Variants in ADRA1B observed in about 807,000 individuals in gnomAD.
ADRA1B encodes adrenoceptor alpha 1B.
Under a neutral mutation model 17.9 loss-of-function variants are expected in ADRA1B, and 17 were observed. The observed-to-expected ratio is 0.95, with a 90% CI of 0.65 to 1.42. The LOEUF is 1.42. Among genes scored for constraint, ADRA1B ranks in the 40% most tolerant of loss-of-function variants. ADRA1B has a pLI of 0.00. For synonymous variants in ADRA1B, 366 were observed against 327.6 expected (o/e 1.12, Z -1.27); for missense variants, 681 against 722.1 (o/e 0.94, Z 0.65).
At chr5:159,926,230 A>G (rs971320437) in intron 1 of ADRA1B, among the ~76,000 whole-genome samples, 5 of 152,168 alleles carry the variant, frequency 3.3e-5, no homozygotes, top group Admixed American at 2.0e-4. Context: ...CTGAATATCC[A>G]GTTCCTGCTC....
intron 1 of ADRA1B, among the ~76,000 whole-genome samples, chr5:159,925,604 G>T (rs1358396966): frequency 6.6e-6 from 1 of 152,150 alleles, no homozygotes; most frequent in East Asian, 1.9e-4. Context: ...CAGGTGAGTT[G>T]GCATCGTGGG....
At chr5:159,939,252 G>GGAGA (rs67704328) in intron 1 of ADRA1B, among the ~76,000 whole-genome samples, 3,913 of 99,044 alleles carry the variant, frequency 0.04, 107 homozygotes, top group Non-Finnish European at 0.053. Context: ...TTTCTTTGAA[G>GGAGA]GAGAGAGAGA....
chr5:159,889,351 A>T (rs7729960), intron 1 of ADRA1B, among the ~76,000 whole-genome samples: 3,665 of 152,218 alleles, frequency 0.024, 145 homozygotes, highest in African/African-American at 0.083. Context: ...ACACATCTAC[A>T]CATTGATATA....
At chr5:159,905,357 C>T (rs1754150655) in intron 1 of ADRA1B, among the ~76,000 whole-genome samples, 1 of 152,172 alleles carries the variant, frequency 6.6e-6, no homozygotes, top group Admixed American at 6.5e-5. Context: ...ATGCAATGGG[C>T]ATTTGGAATC....
intron 1 of ADRA1B, among the ~76,000 whole-genome samples, chr5:159,924,780 A>C (rs2113177918): frequency 6.6e-6 from 1 of 152,242 alleles, no homozygotes; most frequent in East Asian, 1.9e-4. Flanking sequence ...AAAATAACTG[A>C]TGTCTGCTGG....
At chr5:159,887,167 C>T (rs1423344981) in intron 1 of ADRA1B, among the ~76,000 whole-genome samples, 14 of 152,180 alleles carry the variant, frequency 9.2e-5, no homozygotes, top group South Asian at 2.1e-4. Context: ...GACTAGACTA[C>T]GTACAATTCA....
Position 159,972,554 on chromosome 5 carries a change from G to A in ADRA1B, c.*62G>A, listed in dbSNP as rs1345896719. The A allele has an allele frequency of 1.7e-6, 1 of 585,114 alleles. No homozygotes were observed. The highest frequency in any genetic ancestry group is 2.5e-6 in the Non-Finnish European group (1 of 398,350). The allele number at this position is 585,114 out of a possible 1,614,324, so 36.2% of individuals were successfully genotyped here. On this transcript the variant is annotated 3_prime_UTR_variant, in exon 2 of 2. Transcript: ENST00000306675. ...AACATCGTGGGGGGGAGGGGAGGGC[G>A]GGGCGGAGGGGGGAGGGGAGCGTCC...
At chr5:159,952,351 A>C (rs1373412439) in intron 1 of ADRA1B, among the ~76,000 whole-genome samples, 1 of 152,248 alleles carries the variant, frequency 6.6e-6, no homozygotes, top group Non-Finnish European at 1.5e-5. Context: ...TACTGTAATA[A>C]AAGCTATCTG....
At chr5:159,940,283 A>G (rs6869157) in intron 1 of ADRA1B, among the ~76,000 whole-genome samples, 2,221 of 152,320 alleles carry the variant, frequency 0.015, 52 homozygotes, top group African/African-American at 0.051. Flanking sequence ...GAGTCAGTTC[A>G]GAAAGAACCA....
chr5:159,876,562 G>A (rs1194409257), intron 1 of ADRA1B, among the ~76,000 whole-genome samples: 1 of 152,206 alleles, frequency 6.6e-6, no homozygotes, highest in East Asian at 1.9e-4. Context: ...ACCAAACATG[G>A]CTCATTCCCT....
the ADRA1B span, among the ~76,000 whole-genome samples, chr5:159,985,110 T>C: frequency 6.6e-6 from 1 of 151,932 alleles, no homozygotes; most frequent in Non-Finnish European, 1.5e-5. Flanking sequence ...GACAGTCCCT[T>C]CTTAGGGCCT....
intron 1 of ADRA1B, among the ~76,000 whole-genome samples, chr5:159,968,256 T>C (rs1183344041): frequency 6.6e-6 from 1 of 152,192 alleles, no homozygotes; most frequent in African/African-American, 2.4e-5. Flanking sequence ...CCGATTATAA[T>C]TATTAAATAA....
intron 1 of ADRA1B, among the ~76,000 whole-genome samples, chr5:159,904,567 C>G (rs1361782584): frequency 6.6e-6 from 1 of 152,178 alleles, no homozygotes; most frequent in African/African-American, 2.4e-5. Flanking sequence ...TACTCCAGCC[C>G]AGAAAAATCT....
At chr5:159,939,322 T>TGTGCGC (rs1554090928) in intron 1 of ADRA1B, among the ~76,000 whole-genome samples, 7 of 107,666 alleles carry the variant, frequency 6.5e-5, no homozygotes, top group African/African-American at 1.4e-4. Flanking sequence ...TGTGTGTGTG[T>TGTGCGC]GCGCGCGCGC....
chr5:159,908,474 C>T (rs1417833806), intron 1 of ADRA1B, among the ~76,000 whole-genome samples: 1 of 152,036 alleles, frequency 6.6e-6, no homozygotes, highest in African/African-American at 2.4e-5. Context: ...TGAGTGAGAG[C>T]TTGTTGTTCA....
At chr5:159,945,024 G>A (rs1480424437) in intron 1 of ADRA1B, among the ~76,000 whole-genome samples, 2 of 152,138 alleles carry the variant, frequency 1.3e-5, no homozygotes, top group African/African-American at 4.8e-5. Flanking sequence ...GGGTGGTGAT[G>A]ATCAAGAAAA....
Position 159,972,593 on chromosome 5 carries a change from G to T in ADRA1B, c.*101G>T, listed in dbSNP as rs1189096817. 2 of 665,762 alleles carry T rather than the reference G, an allele frequency of 3.0e-6. No individual in the cohort carries two copies. The highest frequency in any genetic ancestry group is 4.0e-6 in the Non-Finnish European group (2 of 499,084). The allele number at this position is 665,762 out of a possible 1,614,324, so 41.2% of individuals were successfully genotyped here. ...AGGGGAGCGTCCACGCCGGGTAGAC[G>T]CGCGCCCCAAGGGGAACCGGGGGGA... On this transcript the variant is annotated 3_prime_UTR_variant, in exon 2 of 2. Transcript: ENST00000306675.
chr5:159,908,526 C>A (rs559661821), intron 1 of ADRA1B, among the ~76,000 whole-genome samples: 1 of 152,156 alleles, frequency 6.6e-6, no homozygotes, highest in Admixed American at 6.5e-5. Flanking sequence ...TCTTTCCCCA[C>A]GTGATGCCAG....
chr5:159,971,737 G>T, intron 1 of ADRA1B, 142 bp from the exon 2 acceptor site: 1 of 800,570 alleles, frequency 1.2e-6, no homozygotes, highest in Non-Finnish European at 1.8e-6. Context: ...AGTATTCCGG[G>T]CAGAGGAACC....
Sources: gnomAD v4.1 joint callset for allele counts (sites outside exome capture counted in the v4.1 genomes callset) on GRCh38, gnomAD v4.1.1 for gene constraint, MANE v1.5 for transcripts, NCBI Gene and HGNC (gene_info 2026-07-23, HGNC 2026-07-21) for gene names.